The following NALCN variants were observed in gnomAD, a reference collection of about 807,000 sequenced individuals.
NALCN encodes the protein sodium leak channel NALCN.
In NALCN, 111 loss-of-function variants were observed where a neutral mutation model predicts 225.3. The observed-to-expected ratio is 0.49, with a 90% CI of 0.42 to 0.58. The LOEUF is 0.58. Among genes scored for constraint, NALCN ranks in the 20% least tolerant of loss-of-function variants. The probability of loss-of-function intolerance (pLI) is 0.00; values close to 1 mark genes in which losing one functional copy is unlikely to be tolerated. For missense variants in NALCN, 1,378 were observed against 2,202.4 expected (o/e 0.63, Z 7.49); for synonymous variants, 764 against 769.0 (o/e 0.99, Z 0.11).
rs548099620 is a variant in NALCN at position 101,384,842 on chromosome 13, C to A, written c.292-6189G>T. Among the ~76,000 whole-genome samples, 5 of 152,248 alleles carry A rather than the reference C, an allele frequency of 3.3e-5. No individual in the cohort carries two copies. In the South Asian group the frequency reaches 1.0e-3, roughly 32 times the overall value. On this transcript the variant is annotated intron_variant, in intron 3 of 43. Coordinates refer to ENST00000251127, the MANE Select transcript of NALCN (RefSeq NM_052867.4). ...AGGAGTGGGAATTGATGGGCAAGCA[C>A]CTTCAAGCTTTGGGAATATTATAAA...
chr13:101,151,650 A>G (rs7333726), intron 15 of NALCN, among the ~76,000 whole-genome samples: 120,957 of 152,234 alleles, frequency 0.79, 48,303 homozygotes, highest in East Asian at 0.99. Context: ...CAGTGGCTTT[A>G]GCTATTTTTT....
At chr13:101,300,367 TTTCCTTCCTTCC>T (rs71121182) in intron 7 of NALCN, among the ~76,000 whole-genome samples, 5 of 101,702 alleles carry the variant, frequency 4.9e-5, no homozygotes, top group South Asian at 8.3e-4. Context: ...TCTTTCTTTC[TTTCCTTCCTTCC>T]TTCCTTCCTT....
chr13:101,377,576 G>A (rs111864712), intron 4 of NALCN, among the ~76,000 whole-genome samples: 2 of 152,156 alleles, frequency 1.3e-5, no homozygotes, highest in African/African-American at 2.4e-5. Context: ...AAATATATGA[G>A]TGATGAAATT....
rs2041234552 is a variant in NALCN at position 101,228,559 on chromosome 13, C to T, written c.1626+834G>A. Among the ~76,000 whole-genome samples the T allele has an allele frequency of 2.0e-5, 3 of 152,182 alleles. No individual in the cohort carries two copies. In the South Asian group the frequency reaches 6.2e-4, roughly 32 times the overall value. ...AGAGGTTTCCCCCTTTAGCTTGGCT[C>T]TCATTCTCTCTTGCCTGCCACCATG... On this transcript the variant is annotated intron_variant, in intron 13 of 43. Transcript: ENST00000251127.
At chr13:101,066,804 C>A in intron 39 of NALCN, among the ~76,000 whole-genome samples, 1 of 152,170 alleles carries the variant, frequency 6.6e-6, no homozygotes, top group East Asian at 1.9e-4. Context: ...GATGCCCAGG[C>A]TGGCTTCTTG....
chr13:101,133,953 A>AG (rs1364205942), intron 17 of NALCN, among the ~76,000 whole-genome samples: 1 of 152,102 alleles, frequency 6.6e-6, no homozygotes, highest in Admixed American at 6.5e-5. Flanking sequence ...GTGGATCACG[A>AG]GGTCAGGAGA....
intron 15 of NALCN, among the ~76,000 whole-genome samples, chr13:101,170,626 A>T (rs1274567554): frequency 2.0e-5 from 3 of 152,324 alleles, no homozygotes; most frequent in South Asian, 2.1e-4. Flanking sequence ...GTTTTTGTTT[A>T]AAAAAGTCAC....
At chr13:101,172,930 C>T (rs1471052646) in intron 15 of NALCN, among the ~76,000 whole-genome samples, 1 of 152,042 alleles carries the variant, frequency 6.6e-6, no homozygotes, top group African/African-American at 2.4e-5. Flanking sequence ...ATCTATGAAC[C>T]AACTTTTACA....
chr13:101,192,229 T>C (rs1454234318), intron 13 of NALCN, among the ~76,000 whole-genome samples, 175 bp from the exon 14 acceptor site: 1 of 152,170 alleles, frequency 6.6e-6, no homozygotes, highest in African/African-American at 2.4e-5. Flanking sequence ...ATCTTAAAAA[T>C]GTGATATTTA....
chr13:101,250,367 C>A (rs913358012), intron 11 of NALCN, among the ~76,000 whole-genome samples: 2 of 151,930 alleles, frequency 1.3e-5, no homozygotes, highest in African/African-American at 4.8e-5. Flanking sequence ...CCTAATAGAT[C>A]TCAAGGTTTA....
At chr13:101,184,898 T>C (rs2039385333) in intron 14 of NALCN, among the ~76,000 whole-genome samples, 2 of 151,824 alleles carry the variant, frequency 1.3e-5, no homozygotes, top group Admixed American at 1.3e-4. Flanking sequence ...ATTTTATGAT[T>C]TTTTTCCTTT....
At chr13:101,353,296 C>T (rs963797316) in intron 6 of NALCN, among the ~76,000 whole-genome samples, 1 of 152,170 alleles carries the variant, frequency 6.6e-6, no homozygotes, top group Non-Finnish European at 1.5e-5. Context: ...AAGCTGACCC[C>T]TAGATTGAGA....
chr13:101,295,164 C>G (rs985541946), intron 7 of NALCN, among the ~76,000 whole-genome samples: 2 of 152,160 alleles, frequency 1.3e-5, no homozygotes, highest in African/African-American at 4.8e-5. Context: ...AGGAACAACA[C>G]ATACATAAAA....
chr13:101,356,280 A>G (rs1398167165), intron 6 of NALCN, among the ~76,000 whole-genome samples: 1 of 152,168 alleles, frequency 6.6e-6, no homozygotes, highest in African/African-American at 2.4e-5. Flanking sequence ...AAAATTAACA[A>G]AATAGATAGA....
intron 30 of NALCN, 88 bp from the exon 31 acceptor site, chr13:101,083,892 C>G (rs1163595606): frequency 1.4e-5 from 17 of 1,224,418 alleles, no homozygotes; most frequent in Non-Finnish European, 2.0e-5. Flanking sequence ...ACAAACAGGA[C>G]TGATGTGAGG....
At chr13:101,371,812 C>T (rs973558464) in intron 6 of NALCN, among the ~76,000 whole-genome samples, 1 of 152,156 alleles carries the variant, frequency 6.6e-6, no homozygotes, top group African/African-American at 2.4e-5. Context: ...TCTTCATTTA[C>T]GCTCTTAGTA....
intron 13 of NALCN, among the ~76,000 whole-genome samples, chr13:101,217,970 C>A (rs946791148): frequency 6.6e-6 from 1 of 152,130 alleles, no homozygotes; most frequent in Admixed American, 6.6e-5. Context: ...TGAGAGAAAT[C>A]TTGTCCAGGT....
intron 18 of NALCN, among the ~76,000 whole-genome samples, chr13:101,123,933 C>G (rs74678208): frequency 6.6e-6 from 1 of 152,120 alleles, no homozygotes; most frequent in South Asian, 2.1e-4. Flanking sequence ...ACTCGCCTTG[C>G]GAGCGATCCT....
intron 6 of NALCN, among the ~76,000 whole-genome samples, chr13:101,365,105 C>T (rs9585679): frequency 0.29 from 43,642 of 151,992 alleles, 6,850 homozygotes; most frequent in African/African-American, 0.41. Context: ...AGGTAAACTG[C>T]GTGTCATGCG....
Sources: gnomAD v4.1 joint callset for allele counts (sites outside exome capture counted in the v4.1 genomes callset) on GRCh38, gnomAD v4.1.1 for gene constraint, MANE v1.5 for transcripts, NCBI Gene and HGNC (gene_info 2026-07-23, HGNC 2026-07-21) for gene names.